The following DEPDC5 variants were observed in gnomAD, a reference collection of about 807,000 sequenced individuals.
DEPDC5 encodes DEP domain containing 5, GATOR1 subcomplex subunit, also known as GATOR1 complex protein DEPDC5.
DEPDC5 carries 73 observed loss-of-function variants against 217.3 expected under a neutral mutation model. The observed-to-expected ratio is 0.34, with a 90% CI of 0.28 to 0.41. The LOEUF is 0.41. Ranked by LOEUF, DEPDC5 falls within the 10% of genes least tolerant of loss-of-function variation. The pLI is 1.00. For missense variants in DEPDC5, 1,675 were observed against 2,070.1 expected (o/e 0.81, Z 3.70); for synonymous variants, 733 against 756.7 (o/e 0.97, Z 0.51).
chr22:31,842,575 CAAA>C (rs56671305), intron 27 of DEPDC5, among the ~76,000 whole-genome samples: 5 of 73,478 alleles, frequency 6.8e-5, no homozygotes, highest in African/African-American at 1.4e-4. Flanking sequence ...AACTCCATCT[CAAA>C]AAAAAAAAAA....
intron 20 of DEPDC5, 113 bp from the exon 21 acceptor site, chr22:31,814,879 G>T: frequency 8.9e-7 from 1 of 1,124,402 alleles, no homozygotes; most frequent in African/African-American, 1.5e-5. Flanking sequence ...ATCACACTGG[G>T]GATTTTTGTT....
In DEPDC5 at chr22:31,897,570, A is replaced by G; in HGVS notation, c.4292A>G (p.Tyr1431Cys). Residue 1431 changes from tyrosine to cysteine, a missense_variant, in exon 40 of 43, where the codon TAT becomes TGT. By Grantham distance (194) the Tyr-to-Cys change is radical. This residue lies in a region of DEPDC5 where 182 missense variants were observed against 290.1 expected (regional missense o/e 0.63). Coordinates refer to ENST00000651528, the MANE Select transcript of DEPDC5 (RefSeq NM_001242896.3). ...CCTTTTGCACTGCCCAGTTACCTGT[A>G]TGGCGACCCCCTTCGTGCCCAGCTC... ...EGPFALPSYL[Y>C]GDPLRAQLFI... 2 of 1,614,084 alleles carry G rather than the reference A, an allele frequency of 1.2e-6. No individual in the cohort carries two copies. Among genetic ancestry groups the G allele is most frequent in the South Asian group, 1.1e-5 (1 of 91,084 alleles).
intron 7 of DEPDC5, among the ~76,000 whole-genome samples, chr22:31,771,780 C>CACACACACACAG (rs1187980574): frequency 4.4e-5 from 6 of 135,694 alleles, no homozygotes; most frequent in African/African-American, 1.4e-4. Flanking sequence ...CACACACACA[C>CACACACACACAG]AGTTAGGACT....
At chr22:31,763,760 T>C (rs2082595584) in intron 4 of DEPDC5, among the ~76,000 whole-genome samples, 1 of 151,990 alleles carries the variant, frequency 6.6e-6, no homozygotes, top group East Asian at 1.9e-4. Context: ...CAATTCAATA[T>C]TTCAATTTGA....
At chr22:31,799,949 C>T (rs965087163) in intron 14 of DEPDC5, among the ~76,000 whole-genome samples, 1 of 151,228 alleles carries the variant, frequency 6.6e-6, no homozygotes, top group Admixed American at 6.6e-5. Flanking sequence ...ATCACAGGCA[C>T]GTGCCACCAC....
In DEPDC5 at chr22:31,874,536, G is replaced by A. The variant is rs1340105453; in HGVS notation, c.3696+131G>A. The A allele has an allele frequency of 1.1e-5, 13 of 1,144,008 alleles. No individual in the cohort carries two copies. In the Middle Eastern group the frequency reaches 7.7e-4, roughly 68 times the overall value. 70.9% of individuals were successfully genotyped at this position (1,144,008 alleles called of 1,614,324 possible). On this transcript the variant is annotated intron_variant, in intron 36 of 42. Coordinates refer to ENST00000651528, the MANE Select transcript of DEPDC5 (RefSeq NM_001242896.3). The stretch of plus-strand genomic sequence containing the variant: ...GGTGAGGATTTTTTTTAATAAGTGG[G>A]AGGCCTTTCTGGAATTGATGAAAGA...
At chr22:31,896,119 G>A (rs1264193785) in intron 39 of DEPDC5, among the ~76,000 whole-genome samples, 2 of 151,984 alleles carry the variant, frequency 1.3e-5, no homozygotes, top group Admixed American at 6.6e-5. Flanking sequence ...TTTAGCAACT[G>A]TCTCTGTAAA....
chr22:31,889,893 A>G (rs1405553226), intron 38 of DEPDC5, among the ~76,000 whole-genome samples: 1 of 152,096 alleles, frequency 6.6e-6, no homozygotes, highest in African/African-American at 2.4e-5. Flanking sequence ...TGAAGCAGAG[A>G]CAGAATGTAG....
At chr22:31,837,805 G>A (rs939209459) in intron 26 of DEPDC5, among the ~76,000 whole-genome samples, 2 of 151,966 alleles carry the variant, frequency 1.3e-5, no homozygotes, top group Non-Finnish European at 2.9e-5. Context: ...AGGTTCAAGC[G>A]ATTCTCACGT....
intron 21 of DEPDC5, among the ~76,000 whole-genome samples, chr22:31,817,850 A>G (rs1406476641): frequency 3.3e-5 from 5 of 151,900 alleles, no homozygotes; most frequent in African/African-American, 1.2e-4. Context: ...TAACTAGACT[A>G]TGTTCTTTTT....
intron 24 of DEPDC5, among the ~76,000 whole-genome samples, chr22:31,828,366 G>T (rs975363969): frequency 1.3e-5 from 2 of 148,782 alleles, no homozygotes; most frequent in Non-Finnish European, 3.0e-5. Context: ...CAGGAGAATC[G>T]CTTTGAACCC....
intron 41 of DEPDC5, 127 bp downstream of exon 41, chr22:31,901,929 A>G (rs1443571085): frequency 6.3e-6 from 5 of 794,610 alleles, no homozygotes; most frequent in Admixed American, 2.1e-5. Context: ...TGGCAAATTC[A>G]CTGCTTATCT....
rs190609136 is a variant in DEPDC5 at position 31,869,307 on chromosome 22, G to A, written c.3331-1283G>A. Among the ~76,000 whole-genome samples the A allele has an allele frequency of 2.6e-5, 4 of 151,988 alleles. No homozygotes were observed. In the East Asian group the frequency reaches 5.8e-4, roughly 22 times the overall value. ...GCTTGGCAGCTACCAGAAGCTCATA[G>A]AGGTCCAGAGTAGAGAGGGAGATGG... is the stretch of plus-strand genomic sequence containing the variant. On this transcript the variant is annotated intron_variant, in intron 33 of 42. Transcript: ENST00000651528.
chr22:31,887,920 A>G (rs1188678691), intron 38 of DEPDC5, among the ~76,000 whole-genome samples: 1 of 152,218 alleles, frequency 6.6e-6, no homozygotes, highest in African/African-American at 2.4e-5. Context: ...CAGAAAAAAA[A>G]TAACATGATT....
At chr22:31,889,929 G>A (rs113710149) in intron 38 of DEPDC5, among the ~76,000 whole-genome samples, 2,178 of 152,300 alleles carry the variant, frequency 0.014, 18 homozygotes, top group Middle Eastern at 0.031. Flanking sequence ...TAGCATTGGA[G>A]TGACCAAGTT....
intron 39 of DEPDC5, 65 bp from the exon 40 acceptor site, chr22:31,897,417 G>A: frequency 6.5e-7 from 1 of 1,540,018 alleles, no homozygotes; most frequent in Non-Finnish European, 8.8e-7. Context: ...TTCTCCTTGG[G>A]AAGTATTTTC....
At chr22:31,902,459 C>T (rs1409880520) in intron 41 of DEPDC5, among the ~76,000 whole-genome samples, 1 of 142,512 alleles carries the variant, frequency 7.0e-6, no homozygotes, top group African/African-American at 2.6e-5. Context: ...CATACAACCA[C>T]AGGACTATTT....
At chr22:31,874,827 C>T (rs748483955) in intron 36 of DEPDC5, among the ~76,000 whole-genome samples, 3 of 152,182 alleles carry the variant, frequency 2.0e-5, no homozygotes, top group African/African-American at 4.8e-5. Flanking sequence ...GCTCTTAGCA[C>T]AACAGAATGA....
intron 32 of DEPDC5, 83 bp from the exon 33 acceptor site, chr22:31,861,285 C>T (rs543568105): frequency 3.3e-5 from 43 of 1,289,890 alleles, no homozygotes; most frequent in Non-Finnish European, 4.4e-5. Context: ...GTCTCCTTCC[C>T]CTGATGGTTA....
Sources: allele counts gnomAD v4.1 joint callset (sites outside exome capture counted in the v4.1 genomes callset), GRCh38; gene constraint gnomAD v4.1.1; regional missense constraint gnomAD v4.1.1; transcripts MANE v1.5; gene names NCBI Gene and HGNC (gene_info 2026-07-23, HGNC 2026-07-21).